KLHL13: variants seen among roughly 807,000 people sequenced by gnomAD.
The protein encoded by KLHL13 is kelch like family member 13, also known as kelch-like protein 13.
Under a neutral mutation model 37.1 loss-of-function variants are expected in KLHL13, and 10 were observed. The ratio of observed to expected loss-of-function variants is 0.27; its 90% confidence interval spans 0.17 to 0.46. The LOEUF (loss-of-function observed/expected upper bound fraction) is 0.46. Among genes scored for constraint, KLHL13 ranks in the 20% least tolerant of loss-of-function variants. The pLI, the probability that KLHL13 is intolerant of heterozygous loss-of-function variation, is 1.00. For synonymous variants in KLHL13, 163 were observed against 181.2 expected (o/e 0.90, Z 0.81); for missense variants, 360 against 509.3 (o/e 0.71, Z 2.82).
intron 1 of KLHL13, among the ~76,000 whole-genome samples, chrX:117,955,139 T>C (rs1933838848): frequency 8.9e-6 from 1 of 112,000 alleles, no homozygotes; most frequent in African/African-American, 3.2e-5. Context: ...GAGTTTATTA[T>C]TAAAGCAGAT....
At chrX:118,081,041 A>G (rs1406694723) in intron 1 of KLHL13, among the ~76,000 whole-genome samples, 2 of 111,762 alleles carry the variant, frequency 1.8e-5, no homozygotes, top group African/African-American at 6.5e-5. Flanking sequence ...ATTGTTACTT[A>G]GAAGTGGGAG....
chrX:117,983,574 G>T (rs974613561), intron 1 of KLHL13: 5 of 1,005,647 alleles, frequency 5.0e-6, no homozygotes, highest in African/African-American at 3.8e-5. Context: ...AAGAAACCTG[G>T]TTAATTGTAG....
At chrX:117,930,806 A>G (rs1932412370) in intron 2 of KLHL13, among the ~76,000 whole-genome samples, 1 of 112,214 alleles carries the variant, frequency 8.9e-6, no homozygotes, top group African/African-American at 3.2e-5. Flanking sequence ...GCTGCCATTC[A>G]GGAAATGAAA....
At chrX:118,039,120 G>A (rs767438406) in intron 1 of KLHL13, among the ~76,000 whole-genome samples, 64 of 112,058 alleles carry the variant, frequency 5.7e-4, no homozygotes, top group Non-Finnish European at 9.2e-4. Context: ...CTGATTAAAG[G>A]GCCCTTGGGC....
intron 1 of KLHL13, among the ~76,000 whole-genome samples, chrX:118,054,948 A>AT (rs1246582429): frequency 7.9e-5 from 5 of 63,028 alleles, no homozygotes; most frequent in Non-Finnish European, 1.3e-4. Flanking sequence ...TTAGTAAGTG[A>AT]TTTTCAAATA....
chrX:118,098,182 G>T (rs1394793754), intron 1 of KLHL13, among the ~76,000 whole-genome samples: 20 of 111,633 alleles, frequency 1.8e-4, no homozygotes, highest in African/African-American at 5.5e-4. Flanking sequence ...CCTACTCATT[G>T]GACAAAGGGC....
At chrX:118,099,631 C>T (rs1019329951) in intron 1 of KLHL13, among the ~76,000 whole-genome samples, 1 of 110,378 alleles carries the variant, frequency 9.1e-6, no homozygotes, top group Admixed American at 9.8e-5. Flanking sequence ...CTGGGCAACA[C>T]AGCAACACCT....
intron 1 of KLHL13, among the ~76,000 whole-genome samples, chrX:118,076,964 C>A (rs2054936082): frequency 9.2e-6 from 1 of 108,543 alleles, no homozygotes; most frequent in South Asian, 4.3e-4. Flanking sequence ...GATAGATAAT[C>A]TCCTAATGGT....
At chrX:117,988,884 C>T (rs5956832) in intron 1 of KLHL13, among the ~76,000 whole-genome samples, 6,214 of 111,375 alleles carry the variant, frequency 0.056, 418 homozygotes, top group African/African-American at 0.19. Context: ...AGATTGACTA[C>T]GAAATATACC....
chrX:118,007,141 G>A (rs2053993385), intron 1 of KLHL13, among the ~76,000 whole-genome samples: 1 of 110,737 alleles, frequency 9.0e-6, no homozygotes, highest in Non-Finnish European at 1.9e-5. Flanking sequence ...AGGTGAGGTG[G>A]CTCATGCCTA....
chrX:118,001,736 A>G (rs2053922914), intron 1 of KLHL13, among the ~76,000 whole-genome samples: 1 of 110,266 alleles, frequency 9.1e-6, no homozygotes, highest in Admixed American at 9.7e-5. Flanking sequence ...ATGGTGGCAC[A>G]TGCCTGTGGT....
intron 1 of KLHL13, among the ~76,000 whole-genome samples, chrX:117,995,112 C>G (rs1484642695): frequency 9.0e-6 from 1 of 111,015 alleles, no homozygotes; most frequent in Non-Finnish European, 1.9e-5. Context: ...GAACATAAAA[C>G]AAAATGTCTC....
At chrX:118,032,934 C>A (rs1471619407) in intron 1 of KLHL13, among the ~76,000 whole-genome samples, 2 of 111,326 alleles carry the variant, frequency 1.8e-5, no homozygotes, top group African/African-American at 6.6e-5. Flanking sequence ...TTGAGAACTA[C>A]GTGAAGAATG....
intron 1 of KLHL13, among the ~76,000 whole-genome samples, chrX:118,013,760 G>A (rs1024121938): frequency 8.0e-5 from 9 of 112,527 alleles, no homozygotes; most frequent in African/African-American, 2.3e-4. Context: ...GACCCCGAAC[G>A]GAGAGACCGG....
intron 5 of KLHL13, among the ~76,000 whole-genome samples, chrX:117,902,254 A>G (rs1930145626): frequency 9.0e-6 from 1 of 111,489 alleles, no homozygotes; most frequent in Non-Finnish European, 1.9e-5. Flanking sequence ...ACATTTCTCC[A>G]TTTTCTTTGC....
chrX:117,918,891 A>G (rs1198086832), intron 4 of KLHL13, among the ~76,000 whole-genome samples: 1 of 112,325 alleles, frequency 8.9e-6, no homozygotes, highest in African/African-American at 3.2e-5. Context: ...CCATTCAATT[A>G]CATTTAAGAA....
rs544019985 is a variant in KLHL13 at position 118,051,190 on chromosome X, T to TA, written c.-56+65317dup. On this transcript the variant is annotated intron_variant, in intron 1 of 6. Coordinates refer to the KLHL13 transcript ENST00000371882. ...ACCTACCTGAGAGCAGCAAAGTTTG[T>TA]AAAAAAAAAAAAAACTTACAAATGT... 6.6e-3 allele frequency among the ~76,000 whole-genome samples: 626 copies of TA among 94,454 alleles called. 2 individuals carry two copies. The highest frequency in any genetic ancestry group is 0.016 in the Middle Eastern group (3 of 190). The allele number at this position is 94,454 out of a possible 115,157, so 82.0% of individuals were successfully genotyped here.
At position 118,066,895 on chromosome X, in the gene KLHL13, C is replaced by G. The variant is rs761773590; in HGVS notation, c.-56+49613G>C. Among the ~76,000 whole-genome samples the G allele has an allele frequency of 1.3e-4, 15 of 111,776 alleles. 1 individual carries two copies. The South Asian group carries it at 5.6e-3, about 42-fold the overall frequency. On this transcript the variant is annotated intron_variant, in intron 1 of 6. Transcript: ENST00000371882. ...TGGAAAGATGCTCAAAATCATTAGT[C>G]ATTAAGGTACGTGCCCATGAACACA...
intron 1 of KLHL13, among the ~76,000 whole-genome samples, chrX:117,996,044 C>T (rs1370752219): frequency 2.7e-5 from 3 of 111,212 alleles, no homozygotes; most frequent in African/African-American, 6.5e-5. Flanking sequence ...TCTGGGTGAA[C>T]ATATGATAAC....
Sources: allele counts gnomAD v4.1 joint callset (sites outside exome capture counted in the v4.1 genomes callset), GRCh38; gene constraint gnomAD v4.1.1; transcripts MANE v1.5; gene names NCBI Gene and HGNC (gene_info 2026-07-23, HGNC 2026-07-21).